Variants in GPAT4 observed in about 807,000 individuals in gnomAD.
GPAT4 encodes the protein glycerol-3-phosphate acyltransferase 4, also known as 1-AGP acyltransferase 6.
GPAT4 carries 17 observed loss-of-function variants against 58.0 expected under a neutral mutation model. The ratio of observed to expected loss-of-function variants is 0.29; its 90% CI spans 0.20 to 0.44. GPAT4 has a LOEUF of 0.44. Among genes scored for constraint, GPAT4 ranks in the 20% least tolerant of loss-of-function variants. The pLI is 1.00. For synonymous variants in GPAT4, 204 were observed against 210.1 expected (o/e 0.97, Z 0.25); for missense variants, 377 against 574.5 (o/e 0.66, Z 3.51).
chr8:41,590,811 G>A (rs904387370), intron 1 of GPAT4, among the ~76,000 whole-genome samples: 1 of 152,146 alleles, frequency 6.6e-6, no homozygotes, highest in Non-Finnish European at 1.5e-5. Context: ...TCATGGAGCC[G>A]TACAGAGGAA....
intron 2 of GPAT4, among the ~76,000 whole-genome samples, chr8:41,604,498 T>G (rs1397190756): frequency 6.6e-6 from 1 of 152,246 alleles, no homozygotes; most frequent in Admixed American, 6.5e-5. Context: ...TAGTGTTTGC[T>G]TAATGTTTGT....
intron 4 of GPAT4, chr8:41,610,262 T>A: frequency 7.9e-7 from 1 of 1,262,090 alleles, no homozygotes; most frequent in Non-Finnish European, 1.0e-6. Context: ...GCTCATTCTT[T>A]CCTGAAGCTT....
chr8:41,588,817 G>T (rs1296819329), intron 1 of GPAT4, among the ~76,000 whole-genome samples: 1 of 152,218 alleles, frequency 6.6e-6, no homozygotes, highest in Non-Finnish European at 1.5e-5. Flanking sequence ...TTAGTGATGG[G>T]CTCTGTTGCC....
chr8:41,583,110 C>T (rs963080679), intron 1 of GPAT4, among the ~76,000 whole-genome samples: 1 of 151,908 alleles, frequency 6.6e-6, no homozygotes, highest in African/African-American at 2.4e-5. Flanking sequence ...CCTGTAATCC[C>T]AGGTATGAGG....
chr8:41,590,051 A>G (rs912747166), intron 1 of GPAT4, among the ~76,000 whole-genome samples: 2 of 152,134 alleles, frequency 1.3e-5, no homozygotes, highest in Admixed American at 6.5e-5. Flanking sequence ...ACCACCACCA[A>G]ATTCTGATAA....
intron 2 of GPAT4, among the ~76,000 whole-genome samples, chr8:41,608,442 C>G (rs1307720728): frequency 2.0e-5 from 3 of 152,260 alleles, no homozygotes; most frequent in Non-Finnish European, 2.9e-5. Context: ...ATAGCTTTCT[C>G]TCTAGTGATA....
chr8:41,615,263 G>T (rs1165496002), intron 10 of GPAT4, among the ~76,000 whole-genome samples: 1 of 152,196 alleles, frequency 6.6e-6, no homozygotes, highest in Non-Finnish European at 1.5e-5. Flanking sequence ...GTGGAATGGG[G>T]GACAGCCAGA....
At chr8:41,592,336 G>C (rs1802811698) in intron 1 of GPAT4, among the ~76,000 whole-genome samples, 1 of 152,116 alleles carries the variant, frequency 6.6e-6, no homozygotes, top group Admixed American at 6.6e-5. Context: ...TGCAACTTTG[G>C]GAATTTACTA....
intron 2 of GPAT4, among the ~76,000 whole-genome samples, chr8:41,608,310 G>A (rs1339334013): frequency 6.6e-6 from 1 of 152,230 alleles, no homozygotes; most frequent in Non-Finnish European, 1.5e-5. Flanking sequence ...TGTGCCCTGG[G>A]CCACGTGCAT....
chr8:41,583,076 A>G (rs898311998), intron 1 of GPAT4, among the ~76,000 whole-genome samples: 1 of 152,052 alleles, frequency 6.6e-6, no homozygotes, highest in East Asian at 1.9e-4. Context: ...TACAAAAAAA[A>G]CTAGCCGGCT....
chr8:41,608,069 C>T (rs1209049256), intron 2 of GPAT4, among the ~76,000 whole-genome samples: 1 of 152,236 alleles, frequency 6.6e-6, no homozygotes, highest in East Asian at 1.9e-4. Context: ...AGCCAAAAGA[C>T]ATCAATGGCC....
At position 41,622,617 on chromosome 8, in the gene GPAT4, T is replaced by TG. The variant is rs1306110841; in HGVS notation, c.*1619dup. On this transcript the variant is annotated 3_prime_UTR_variant, in exon 13 of 13. Transcript: ENST00000396987. ...GCCCTCTGGCCTGCAGTTCAGGGAG[T>TG]GGGTGGGAGTGAAGCTGTGCTCCTG... is the stretch of plus-strand genomic sequence containing the variant. The TG allele has an allele frequency of 6.6e-6, 1 of 151,942 alleles. No individual in the cohort carries two copies. Among genetic ancestry groups the TG allele is most frequent in the Non-Finnish European group, 1.5e-5 (1 of 68,076 alleles). 9.4% of individuals were successfully genotyped at this position (151,942 alleles called of 1,614,324 possible).
At chr8:41,586,326 T>C (rs1236935844) in intron 1 of GPAT4, among the ~76,000 whole-genome samples, 2 of 152,230 alleles carry the variant, frequency 1.3e-5, no homozygotes, top group African/African-American at 2.4e-5. Context: ...TTGATGGACA[T>C]TTTGGTTGTT....
chr8:41,593,646 A>T (rs935126937), intron 1 of GPAT4, among the ~76,000 whole-genome samples: 38 of 152,262 alleles, frequency 2.5e-4, no homozygotes, highest in Non-Finnish European at 2.4e-4. Context: ...CTCTGTGGTT[A>T]ACAGCACAAG....
rs1477735109 is a variant in GPAT4 at position 41,612,860 on chromosome 8, G to A, written c.811G>A (p.Gly271Arg). ...CTGCGCTTAGGTGGGTCAAGTGCAC[G>A]GGGGACTCATGGGTGTGATTCAGAG... Reference protein sequence around the residue: ...GYYAMVGQVHGGLMGVIQRAM... With the variant: ...GYYAMVGQVHRGLMGVIQRAM... Residue 271 changes from glycine (G) to arginine (R), a missense_variant, in exon 8 of 13, where the codon GGG becomes AGG. Physicochemically the swap from Gly to Arg is moderately radical, Grantham distance 125. Coordinates refer to ENST00000396987, the MANE Select transcript of GPAT4 (RefSeq NM_178819.4). 5.6e-6 allele frequency: 9 copies of A among 1,613,874 alleles called. No individual in the cohort carries two copies. The highest frequency in any genetic ancestry group is 1.6e-4 in the Middle Eastern group (1 of 6,082).
At chr8:41,619,911 GTC>G (rs1254852489) in intron 12 of GPAT4, among the ~76,000 whole-genome samples, 3 of 152,182 alleles carry the variant, frequency 2.0e-5, no homozygotes, top group Non-Finnish European at 4.4e-5. Context: ...CTGTGTGATC[GTC>G]TCTTTCGCCC....
chr8:41,597,712 G>T (rs1158448958), intron 1 of GPAT4, among the ~76,000 whole-genome samples: 1 of 152,306 alleles, frequency 6.6e-6, no homozygotes, highest in South Asian at 2.1e-4. Flanking sequence ...ACATTCTTAA[G>T]TTGAAAACTT....
Position 41,609,914 on chromosome 8 carries a change from G to T in GPAT4, c.495G>T (p.Gly165=), listed in dbSNP as rs780693887. 76 of 1,613,386 alleles carry T rather than the reference G, an allele frequency of 4.7e-5. No homozygotes were observed. The East Asian group carries it at 1.2e-3, about 26-fold the overall frequency. The change falls in exon 4 of 13, where the codon GGG becomes GGT. Residue 165 remains glycine, a synonymous_variant. Transcript: ENST00000396987. ...GCCTTCGGCTCACGGTCCTGTGGGGGTTAGGAGTGCTGATTCGGTACTGCT... is the reference window on the plus strand; with the variant it reads ...GCCTTCGGCTCACGGTCCTGTGGGGTTTAGGAGTGCTGATTCGGTACTGCT... The part of the protein sequence containing the change: ...YISLRLTVLW[G]LGVLIRYCFL...
intron 12 of GPAT4, 55 bp downstream of exon 12, chr8:41,619,032 T>C (rs1803678418): frequency 6.3e-7 from 1 of 1,580,788 alleles, no homozygotes; most frequent in Non-Finnish European, 8.7e-7. Flanking sequence ...TGCTGTGTCA[T>C]TGACTTCACT....
Sources: allele counts gnomAD v4.1 joint callset (sites outside exome capture counted in the v4.1 genomes callset), GRCh38; gene constraint gnomAD v4.1.1; transcripts MANE v1.5; gene names NCBI Gene and HGNC (gene_info 2026-07-23, HGNC 2026-07-21).